RANBP2: variants seen among roughly 807,000 people sequenced by gnomAD.
RANBP2 encodes the protein RAN binding protein 2.
In RANBP2, 57 loss-of-function variants were observed where a neutral mutation model predicts 303.6. That is an observed-to-expected ratio of 0.19 (90% CI 0.15 to 0.23). The LOEUF is 0.23. Among genes scored for constraint, RANBP2 ranks in the 10% least tolerant of loss-of-function variants. The probability of loss-of-function intolerance (pLI) is 1.00; values close to 1 mark genes in which losing one functional copy is unlikely to be tolerated. For synonymous variants in RANBP2, 1,167 were observed against 1,301.5 expected (o/e 0.90, Z 2.23); for missense variants, 3,138 against 3,780.8 (o/e 0.83, Z 4.46).
the RANBP2 span, among the ~76,000 whole-genome samples, chr2:109,632,972 C>T: frequency 1.3e-5 from 2 of 152,174 alleles, no homozygotes; most frequent in African/African-American, 2.4e-5. Context: ...GTATTGTACT[C>T]GCGCTCTGTG....
the RANBP2 span, among the ~76,000 whole-genome samples, chr2:109,546,392 A>C: frequency 3.2e-4 from 48 of 152,210 alleles, no homozygotes; most frequent in African/African-American, 1.1e-3. Flanking sequence ...TAGTTCAAGG[A>C]AAAGTTTACA....
the RANBP2 span, among the ~76,000 whole-genome samples, chr2:109,197,043 T>C: frequency 2.8e-3 from 419 of 152,270 alleles, 2 homozygotes; most frequent in African/African-American, 9.7e-3. Context: ...TGTTTTCCCT[T>C]TTCTGCAGAT....
the RANBP2 span, among the ~76,000 whole-genome samples, chr2:109,646,495 T>C: frequency 1.3e-5 from 2 of 151,706 alleles, no homozygotes; most frequent in African/African-American, 4.8e-5. Flanking sequence ...AAACGGCTAA[T>C]AATTTTTTTT....
chr2:108,739,035 A>T (rs1404538282), intron 6 of RANBP2, among the ~76,000 whole-genome samples: 2 of 152,192 alleles, frequency 1.3e-5, no homozygotes, highest in African/African-American at 2.4e-5. Context: ...TGTCTCGCTT[A>T]ATAGAACATA....
At chr2:109,151,323 T>C in the RANBP2 span, among the ~76,000 whole-genome samples, 6 of 152,224 alleles carry the variant, frequency 3.9e-5, no homozygotes, top group African/African-American at 1.4e-4. Context: ...CCTGGAAATC[T>C]GTGCCTACAC....
At chr2:109,606,443 A>C in the RANBP2 span, among the ~76,000 whole-genome samples, 5 of 152,104 alleles carry the variant, frequency 3.3e-5, no homozygotes, top group Admixed American at 6.5e-5. Flanking sequence ...ATAAAATGTG[A>C]TAACACAAGG....
At chr2:108,758,570 C>T (rs751322200) in intron 18 of RANBP2, 22 bp downstream of exon 18, 161 of 1,610,216 alleles carry the variant, frequency 1.0e-4, no homozygotes, top group Middle Eastern at 4.5e-4. Context: ...AGTGGATAAT[C>T]GCATATTTTA....
chr2:108,976,510 C>T, the RANBP2 span, among the ~76,000 whole-genome samples: 6 of 152,100 alleles, frequency 3.9e-5, no homozygotes, highest in East Asian at 3.9e-4. Context: ...AGTCTCCAGG[C>T]GGAGCGCACA....
the RANBP2 span, among the ~76,000 whole-genome samples, chr2:108,827,849 A>T: frequency 2.0e-5 from 3 of 151,630 alleles, no homozygotes; most frequent in African/African-American, 7.3e-5. Context: ...AAATTTAAAG[A>T]TTACATTACA....
chr2:109,552,267 C>G, the RANBP2 span, among the ~76,000 whole-genome samples: 1 of 152,184 alleles, frequency 6.6e-6, no homozygotes, highest in Admixed American at 6.5e-5. Context: ...GACCACTGAT[C>G]TAGACCACCT....
the RANBP2 span, among the ~76,000 whole-genome samples, chr2:109,421,461 C>T: frequency 1.3e-5 from 2 of 152,210 alleles, no homozygotes; most frequent in Non-Finnish European, 2.9e-5. Context: ...AGACCCAAAA[C>T]GTAACAGTTC....
downstream of RANBP2, among the ~76,000 whole-genome samples, chr2:108,789,346 A>T (rs928570848): frequency 1.3e-5 from 2 of 152,168 alleles, no homozygotes; most frequent in Non-Finnish European, 1.5e-5. Context: ...TAATCCCAGC[A>T]CTTTGGGAGG....
the RANBP2 span, among the ~76,000 whole-genome samples, chr2:109,552,231 G>A: frequency 1.3e-5 from 2 of 152,142 alleles, no homozygotes; most frequent in East Asian, 1.9e-4. Flanking sequence ...TCCAGGAAAC[G>A]GGTCCCTGGT....
intron 18 of RANBP2, among the ~76,000 whole-genome samples, chr2:108,760,350 T>C (rs1160757786): frequency 1.3e-5 from 2 of 152,030 alleles, no homozygotes; most frequent in East Asian, 1.9e-4. Context: ...TTTTAAATGT[T>C]ACTTTAGTTC....
At chr2:109,033,816 TGTG>T in the RANBP2 span, among the ~76,000 whole-genome samples, 1 of 150,498 alleles carries the variant, frequency 6.6e-6, no homozygotes, top group Non-Finnish European at 1.5e-5. Flanking sequence ...ATGAGCCAGG[TGTG>T]GTGGCGGGCA....
the RANBP2 span, among the ~76,000 whole-genome samples, chr2:109,651,796 C>T: frequency 1.3e-5 from 2 of 152,024 alleles, no homozygotes; most frequent in Non-Finnish European, 2.9e-5. Context: ...GACTGTTTCC[C>T]AACGGCATCC....
At chr2:109,306,049 T>C in the RANBP2 span, among the ~76,000 whole-genome samples, 1 of 152,228 alleles carries the variant, frequency 6.6e-6, no homozygotes, top group Non-Finnish European at 1.5e-5. Flanking sequence ...TGCTGGGCTC[T>C]TACTGGCAGC....
At chr2:109,686,060 T>A in the RANBP2 span, among the ~76,000 whole-genome samples, 1 of 152,240 alleles carries the variant, frequency 6.6e-6, no homozygotes, top group East Asian at 1.9e-4. Flanking sequence ...TCTCCCAGAC[T>A]CTGGTTTTCA....
the RANBP2 span, chr2:109,667,100 T>C: frequency 1.1e-6 from 1 of 915,484 alleles, no homozygotes; most frequent in Non-Finnish European, 1.7e-6. Flanking sequence ...ATAATCTAAA[T>C]ATATCCCAGT....
Sources: gnomAD v4.1 joint callset for allele counts (sites outside exome capture counted in the v4.1 genomes callset) on GRCh38, gnomAD v4.1.1 for gene constraint, MANE v1.5 for transcripts, NCBI Gene and HGNC (gene_info 2026-07-23, HGNC 2026-07-21) for gene names.